Variants in KMT2E observed in about 807,000 individuals in gnomAD.
KMT2E encodes the protein lysine methyltransferase 2E (inactive).
In KMT2E, 30 loss-of-function variants were observed where a neutral mutation model predicts 184.6. The ratio of observed to expected loss-of-function variants is 0.16; its 90% confidence interval spans 0.12 to 0.22. The LOEUF is 0.22. Ranked by LOEUF, KMT2E falls within the 10% of genes least tolerant of loss-of-function variation. The probability of loss-of-function intolerance (pLI) is 1.00; values close to 1 mark genes in which losing one functional copy is unlikely to be tolerated. For synonymous variants in KMT2E, 815 were observed against 776.5 expected, an observed-to-expected ratio of 1.05 and a Z score of -0.82; for missense variants, 2,023 against 2,237.4, an observed-to-expected ratio of 0.90 and a Z score of 1.93.
chr7:105,091,455 A>G (rs1203846787), intron 15 of KMT2E, 141 bp downstream of exon 15: 2 of 664,376 alleles, frequency 3.0e-6, no homozygotes, highest in African/African-American at 3.6e-5. Context: ...TGGTTTGGTC[A>G]TTGCCATTTA....
Position 105,112,039 on chromosome 7 carries a change from T to G in KMT2E, c.4283T>G (p.Leu1428Arg). 6.2e-7 allele frequency: 1 copy of G among 1,614,202 alleles called. No individual in the cohort carries two copies. The highest frequency in any genetic ancestry group is 2.2e-5 in the East Asian group (1 of 44,886). ...CACGTTCGTAATTCATCTGAGCAAC[T>G]TTCACAAAAGCTGCCTTCTGTGCCA... Reference protein sequence around the residue: ...QTHVRNSSEQLSQKLPSVPTK... With the variant: ...QTHVRNSSEQRSQKLPSVPTK... Residue 1428 changes from leucine (L) to arginine (R), a missense_variant, in exon 27 of 27, where the codon CTT becomes CGT. Transcript: ENST00000311117.
chr7:105,068,637 TTG>T lies in KMT2E; in HGVS notation c.497+1832_497+1833del, dbSNP rs1437255221. ...TGACTAGTTGTGGTTTTTTTTTTTT[TTG>T]TTTTTTTTTTTTTTTTGTAGGCACA... is the stretch of plus-strand genomic sequence containing the variant. On this transcript the variant is annotated intron_variant, in intron 6 of 26. Coordinates refer to ENST00000311117, the MANE Select transcript of KMT2E (RefSeq NM_182931.3). 9.5e-3 allele frequency among the ~76,000 whole-genome samples: 1,279 copies of T among 135,036 alleles called. 154 individuals are homozygous for T. Among genetic ancestry groups the T allele is most frequent in the African/African-American group, 0.037 (1,186 of 32,108 alleles). The allele number at this position is 135,036 out of a possible 152,430, so 88.6% of individuals were successfully genotyped here.
At chr7:105,077,556 C>T in intron 11 of KMT2E, 123 bp downstream of exon 11, 2 of 725,986 alleles carry the variant, frequency 2.8e-6, no homozygotes, top group Non-Finnish European at 4.6e-6. Context: ...GTATTTAAAG[C>T]TGTAGTGTGG....
intron 14 of KMT2E, among the ~76,000 whole-genome samples, chr7:105,090,883 A>T (rs1247557574): frequency 6.6e-6 from 1 of 152,300 alleles, no homozygotes; most frequent in East Asian, 1.9e-4. Context: ...TCAACTGAAC[A>T]AACACTTTTT....
At chr7:105,072,875 T>C (rs781448196) in intron 6 of KMT2E, among the ~76,000 whole-genome samples, 19 of 151,690 alleles carry the variant, frequency 1.3e-4, no homozygotes, top group Non-Finnish European at 2.2e-4. Context: ...GATTGCGCCA[T>C]TGCACTCCAG....
chr7:105,070,717 G>A (rs998072018), intron 6 of KMT2E, among the ~76,000 whole-genome samples: 3 of 151,638 alleles, frequency 2.0e-5, no homozygotes, highest in Non-Finnish European at 4.4e-5. Flanking sequence ...GGGGGCTGAG[G>A]CAGGAGGATT....
At chr7:105,035,640 C>A (rs1385294794) in intron 1 of KMT2E, among the ~76,000 whole-genome samples, 2 of 151,876 alleles carry the variant, frequency 1.3e-5, no homozygotes, top group African/African-American at 4.8e-5. Context: ...TTGCTCTTGT[C>A]GCCCAGGCTG....
Position 105,100,127 on chromosome 7 carries a change from A to G in KMT2E, c.1723-1298A>G, listed in dbSNP as rs558051987. Among the ~76,000 whole-genome samples the G allele has an allele frequency of 4.1e-4, 63 of 152,334 alleles. 1 individual carries two copies. The South Asian group carries it at 0.012, about 30-fold the overall frequency. On this transcript the variant is annotated intron_variant, in intron 15 of 26. Transcript: ENST00000311117. ...AGATACAGATACGTAATCCATGAAC[A>G]AAGAACCTTACCTCTTTGGACCTCA...
At chr7:105,050,190 C>T (rs1220666914) in intron 3 of KMT2E, among the ~76,000 whole-genome samples, 2 of 152,148 alleles carry the variant, frequency 1.3e-5, no homozygotes, top group African/African-American at 4.8e-5. Flanking sequence ...ACTACTATAA[C>T]CTCCTGTGTT....
intron 9 of KMT2E, 40 bp downstream of exon 9, chr7:105,076,121 T>C (rs752888797): frequency 6.6e-6 from 9 of 1,373,316 alleles, no homozygotes; most frequent in Non-Finnish European, 8.3e-6. Context: ...TCAACTGTCA[T>C]TTATTCAGGA....
intron 11 of KMT2E, among the ~76,000 whole-genome samples, chr7:105,078,116 G>A (rs924393284): frequency 3.3e-5 from 5 of 152,186 alleles, no homozygotes; most frequent in Non-Finnish European, 5.9e-5. Flanking sequence ...CTTAAGATAT[G>A]AAAGATACAC....
chr7:105,109,268 G>A (rs1332020599), intron 23 of KMT2E, 40 bp downstream of exon 23: 2 of 1,583,390 alleles, frequency 1.3e-6, no homozygotes, highest in African/African-American at 2.7e-5. Flanking sequence ...GAAAAAACAA[G>A]CTTTTGTTCA....
At chr7:105,111,557 G>A (rs1584815437) in intron 26 of KMT2E, among the ~76,000 whole-genome samples, 2 of 151,922 alleles carry the variant, frequency 1.3e-5, no homozygotes, top group African/African-American at 4.8e-5. Flanking sequence ...AAAAGGCAGA[G>A]TAAAGTGAAA....
At chr7:105,039,656 CA>C (rs1279559413) in intron 2 of KMT2E, among the ~76,000 whole-genome samples, 11 of 152,084 alleles carry the variant, frequency 7.2e-5, no homozygotes, top group Non-Finnish European at 1.2e-4. Context: ...TTGAATTCTC[CA>C]AGAAAACTAG....
At chr7:105,041,500 C>T (rs1782275757) in intron 3 of KMT2E, among the ~76,000 whole-genome samples, 1 of 152,134 alleles carries the variant, frequency 6.6e-6, no homozygotes, top group South Asian at 2.1e-4. Context: ...CTCCCGGGTT[C>T]AAGCAATTCT....
rs781726210 is a variant in KMT2E, at chr7:105,101,508, G to A, written c.1806G>A (p.Leu602=). 7 of 1,596,054 alleles carry A rather than the reference G, an allele frequency of 4.4e-6. No homozygotes were observed. The East Asian group carries it at 6.9e-5, about 16-fold the overall frequency. The change falls in exon 16 of 27, where the codon TTG becomes TTA. Residue 602 remains leucine (L), a synonymous_variant. Coordinates refer to ENST00000311117, the MANE Select transcript of KMT2E (RefSeq NM_182931.3). The part of the protein sequence containing the change: ...EKREKRREQA[L]ERISTAKTEV... ...GAGAGAAAAGAAGAGAACAAGCTTT[G>A]GAAAGGATCAGCACAGCCAAAACTG...
Position 105,113,172 on chromosome 7 carries a change from C to T in KMT2E, c.5416C>T (p.Pro1806Ser), listed in dbSNP as rs751090892. Residue 1806 changes from proline to serine, a missense_variant, in exon 27 of 27, where the codon CCT (proline) becomes TCT (serine). Physicochemically the swap from Pro to Ser is moderately conservative, Grantham distance 74 (BLOSUM62 -1). Transcript: ENST00000311117. ...QPQGPNSIPT[P>S]TASGFCPHPG... ...CCAAGGACCAAACAGTATTCCAACA[C>T]CTACTGCTTCAGGGTTCTGTCCTCA... 2 of 1,614,200 alleles carry T rather than the reference C, an allele frequency of 1.2e-6. No homozygotes were observed. Among genetic ancestry groups the T allele is most frequent in the Non-Finnish European group, 8.5e-7 (1 of 1,180,038 alleles).
At chr7:105,043,299 G>C (rs1795959759) in intron 3 of KMT2E, among the ~76,000 whole-genome samples, 1 of 149,214 alleles carries the variant, frequency 6.7e-6, no homozygotes, top group South Asian at 2.1e-4. Context: ...TGCAGTGGCG[G>C]GATCTCGGCT....
In KMT2E at chr7:105,038,685, A is replaced by AG. The variant is rs1396987899; in HGVS notation, c.-115+486_-115+487insG. ...CAGTTTTTGACTGTTTTTTAAACTC[A>AG]CTGTGTTAAAGGTCACATCTTTTCT... On this transcript the variant is annotated intron_variant, in intron 2 of 26. Transcript: ENST00000311117. 3.2e-4 allele frequency among the ~76,000 whole-genome samples: 48 copies of AG among 152,082 alleles called. 1 individual carries two copies. Among genetic ancestry groups the AG allele is most frequent in the African/African-American group, 1.1e-3 (47 of 41,424 alleles).
Sources: gnomAD v4.1 joint callset for allele counts (sites outside exome capture counted in the v4.1 genomes callset) on GRCh38, gnomAD v4.1.1 for gene constraint, MANE v1.5 for transcripts, NCBI Gene and HGNC (gene_info 2026-07-23, HGNC 2026-07-21) for gene names.